The following SPIRE1 variants were observed in gnomAD, a reference collection of about 807,000 sequenced individuals.
SPIRE1 encodes the protein spire type actin nucleation factor 1.
In SPIRE1, 40 loss-of-function variants were observed where a neutral mutation model predicts 94.1. That is an observed-to-expected ratio of 0.43 (90% CI 0.33 to 0.55). SPIRE1 has a LOEUF of 0.55. SPIRE1 is among the 20% of genes least tolerant of loss of function. The pLI is 0.06. For missense variants in SPIRE1, 838 were observed against 975.2 expected (o/e 0.86, Z 1.87); for synonymous variants, 376 against 371.7 (o/e 1.01, Z -0.13).
intron 1 of SPIRE1, chr18:12,653,554 CA>C (rs1159265484): frequency 6.6e-6 from 1 of 152,206 alleles, no homozygotes; most frequent in African/African-American, 2.4e-5. Context: ...AAATTCAAAC[CA>C]AATGTTTCAT....
chr18:12,657,648 G>C lies in SPIRE1; in HGVS notation c.219C>G (p.Ala73=). 2 of 1,321,662 alleles carry C rather than the reference G, an allele frequency of 1.5e-6. No individual in the cohort carries two copies. The highest frequency in any genetic ancestry group is 1.9e-6 in the Non-Finnish European group (2 of 1,034,580). The allele number at this position is 1,321,662 out of a possible 1,614,324, so 81.9% of individuals were successfully genotyped here. ...YQCCGSLRAA[A]RRRQPRHRVR... is the part of the protein sequence containing the mutation. Reference sequence around the variant, plus strand: ...CACGGTGGCGGGGCTGGCGGCGGCGGGCGGCGGCGCGCAGGGAACCGCAGC... The same window carrying C: ...CACGGTGGCGGGGCTGGCGGCGGCGCGCGGCGGCGCGCAGGGAACCGCAGC... The change falls in exon 1 of 17, where the codon GCC becomes GCG. Residue 73 remains alanine (A), a synonymous_variant. Coordinates refer to ENST00000409402, the MANE Select transcript of SPIRE1 (RefSeq NM_001128626.2).
chr18:12,614,225 C>G (rs934379400), intron 2 of SPIRE1, among the ~76,000 whole-genome samples: 1 of 152,180 alleles, frequency 6.6e-6, no homozygotes, highest in Non-Finnish European at 1.5e-5. Flanking sequence ...CGTACTATTG[C>G]ACTCTAGCCT....
At chr18:12,605,462 C>T (rs1258411316) in intron 2 of SPIRE1, among the ~76,000 whole-genome samples, 5 of 152,092 alleles carry the variant, frequency 3.3e-5, no homozygotes, top group Admixed American at 2.6e-4. Context: ...GCTGAGATCC[C>T]GCCACTGCCC....
At chr18:12,555,105 T>C (rs1444089496) in intron 2 of SPIRE1, among the ~76,000 whole-genome samples, 2 of 152,170 alleles carry the variant, frequency 1.3e-5, no homozygotes, top group African/African-American at 4.8e-5. Flanking sequence ...CTTCCCTGTA[T>C]ATAAACCCCT....
rs10658152 is a variant in SPIRE1, at chr18:12,533,932, T to TACACACACACAC, written c.729+1532_729+1543dup. ...TGCTCAATGAGAACAGCTAATCCAT[T>TACACACACACAC]ACACACACACACACACACACACACA... On this transcript the variant is annotated intron_variant, in intron 4 of 16. Transcript: ENST00000409402. Among the ~76,000 whole-genome samples, 339 of 144,504 alleles carry TACACACACACAC rather than the reference T, an allele frequency of 2.3e-3. 3 individuals carry two copies. Among genetic ancestry groups the TACACACACACAC allele is most frequent in the African/African-American group, 7.9e-3 (304 of 38,298 alleles). 94.8% of individuals were successfully genotyped at this position (144,504 alleles called of 152,430 possible). A position where few individuals can be genotyped will look rare whatever the true frequency, so the allele number is the denominator to read the frequency against.
Position 12,460,872 on chromosome 18 carries a change from A to C in SPIRE1, c.1638+2479T>G, listed in dbSNP as rs182513522. ...TACCAAGCTATAGGGCATTACTACA[A>C]GGTATGATTTTATGGATTTCCCAAG... On this transcript the variant is annotated intron_variant, in intron 12 of 16. Transcript: ENST00000409402. 7.5e-3 allele frequency among the ~76,000 whole-genome samples: 1,148 copies of C among 152,290 alleles called. 12 individuals are homozygous for C. The highest frequency in any genetic ancestry group is 0.03 in the South Asian group (144 of 4,830).
intron 10 of SPIRE1, among the ~76,000 whole-genome samples, chr18:12,469,730 T>G (rs921063233): frequency 1.5e-4 from 21 of 144,012 alleles, no homozygotes; most frequent in Non-Finnish European, 2.6e-4. Flanking sequence ...ATAAATATAA[T>G]TATATATTAT....
chr18:12,452,093 C>G (rs564651022), intron 16 of SPIRE1, among the ~76,000 whole-genome samples, 162 bp downstream of exon 16: 1 of 152,116 alleles, frequency 6.6e-6, no homozygotes, highest in Non-Finnish European at 1.5e-5. Flanking sequence ...GAAAAGTTAC[C>G]TTTGGGGAAG....
At chr18:12,504,909 G>A (rs545093345) in intron 6 of SPIRE1, among the ~76,000 whole-genome samples, 1 of 152,306 alleles carries the variant, frequency 6.6e-6, no homozygotes, top group South Asian at 2.1e-4. Flanking sequence ...CAAAGGCTCT[G>A]TTACAGGATC....
chr18:12,608,174 AT>A (rs1317911457), intron 2 of SPIRE1, among the ~76,000 whole-genome samples: 6 of 150,322 alleles, frequency 4.0e-5, no homozygotes, highest in Middle Eastern at 3.5e-3. Context: ...AAAAAAAAAA[AT>A]CTCACCTACT....
At chr18:12,467,629 G>A (rs576117321) in intron 10 of SPIRE1, among the ~76,000 whole-genome samples, 2 of 152,268 alleles carry the variant, frequency 1.3e-5, no homozygotes, top group African/African-American at 4.8e-5. Flanking sequence ...TGCCTCACAC[G>A]TGTACTTCAG....
At chr18:12,634,186 T>C (rs2037857240) in intron 2 of SPIRE1, among the ~76,000 whole-genome samples, 1 of 151,836 alleles carries the variant, frequency 6.6e-6, no homozygotes, top group South Asian at 2.1e-4. Context: ...AGGCGGAGCT[T>C]GCAGTGAGCT....
intron 4 of SPIRE1, among the ~76,000 whole-genome samples, chr18:12,517,812 C>T (rs781481351): frequency 5.9e-5 from 9 of 152,070 alleles, no homozygotes; most frequent in Non-Finnish European, 1.0e-4. Flanking sequence ...CATATAAGTA[C>T]CCCTTTACTA....
At chr18:12,568,132 T>G (rs2035864675) in intron 2 of SPIRE1, among the ~76,000 whole-genome samples, 1 of 152,254 alleles carries the variant, frequency 6.6e-6, no homozygotes, top group Admixed American at 6.5e-5. Flanking sequence ...AGAAGAGTGA[T>G]CGGGGTACTT....
intron 10 of SPIRE1, among the ~76,000 whole-genome samples, chr18:12,469,296 G>T (rs560412673): frequency 6.6e-6 from 1 of 151,872 alleles, no homozygotes; most frequent in Non-Finnish European, 1.5e-5. Context: ...TCCGCCTCTT[G>T]GGTTCAAGCG....
intron 2 of SPIRE1, among the ~76,000 whole-genome samples, chr18:12,626,833 T>C (rs1390970228): frequency 6.7e-6 from 1 of 149,498 alleles, no homozygotes; most frequent in Non-Finnish European, 1.5e-5. Flanking sequence ...TTAATTAATG[T>C]CTATAACAGT....
rs553730291 is a variant in SPIRE1, at chr18:12,605,691, A to G, written c.372+29371T>C. Among the ~76,000 whole-genome samples the G allele has an allele frequency of 5.3e-4, 81 of 152,310 alleles. 2 individuals are homozygous for G. The highest frequency in any genetic ancestry group is 1.9e-3 in the African/African-American group (80 of 41,582). On this transcript the variant is annotated intron_variant, in intron 2 of 16. Coordinates refer to ENST00000409402, the MANE Select transcript of SPIRE1 (RefSeq NM_001128626.2). ...TGAAATGAAACCTGTATTTAATAAC[A>G]CAGTCATATTATCTGCTACTTGAAT...
At position 12,454,439 on chromosome 18, in the gene SPIRE1, T is replaced by C. The variant is rs752630276; in HGVS notation, c.1683A>G (p.Glu561=). 4 of 1,614,050 alleles carry C rather than the reference T, an allele frequency of 2.5e-6. No homozygotes were observed. In the African/African-American group the frequency reaches 4.0e-5, roughly 16 times the overall value. ...GGACCTGGCGAATATGCATCACTTC[T>C]TCCACAGTAAGAGCGAGGCATTCCA... ...YPVECLALTV[E]EVMHIRQVLV... is the part of the protein sequence containing the mutation. The change falls in exon 13 of 17, where the codon GAA becomes GAG. Residue 561 remains glutamate, a synonymous_variant. Transcript: ENST00000409402.
intron 1 of SPIRE1, 31 bp from the exon 2 acceptor site, chr18:12,635,127 A>G (rs1454362516): frequency 1.6e-6 from 2 of 1,212,672 alleles, no homozygotes; most frequent in East Asian, 2.6e-5. Context: ...ATTACTTTAA[A>G]AAGATTTCAG....
Sources: allele counts gnomAD v4.1 joint callset (sites outside exome capture counted in the v4.1 genomes callset), GRCh38; gene constraint gnomAD v4.1.1; transcripts MANE v1.5; gene names NCBI Gene and HGNC (gene_info 2026-07-23, HGNC 2026-07-21).